GNB4: variants seen among roughly 807,000 people sequenced by gnomAD.
GNB4 encodes G protein subunit beta 4.
GNB4 carries 28 observed loss-of-function variants against 45.2 expected under a neutral mutation model. That is an observed-to-expected ratio of 0.62 (90% CI 0.46 to 0.85). GNB4 has a LOEUF of 0.85. Ranked by LOEUF, GNB4 falls within the 40% of genes least tolerant of loss-of-function variation. The probability of loss-of-function intolerance (pLI) is 0.00; values close to 1 mark genes in which losing one functional copy is unlikely to be tolerated. For synonymous variants in GNB4, 132 were observed against 143.7 expected (o/e 0.92, Z 0.58); for missense variants, 321 against 425.4 (o/e 0.75, Z 2.16).
At chr3:179,402,426 C>T (rs1291069152) in intron 9 of GNB4, among the ~76,000 whole-genome samples, 1 of 152,186 alleles carries the variant, frequency 6.6e-6, no homozygotes. Context: ...CCTTAAGCAA[C>T]GGAATACTTC....
At chr3:179,520,042 G>C in the GNB4 span, among the ~76,000 whole-genome samples, 8 of 152,062 alleles carry the variant, frequency 5.3e-5, no homozygotes, top group African/African-American at 2.4e-5. Flanking sequence ...CCCCGTGGTG[G>C]CACACCCATA....
chr3:179,470,312 G>A, the GNB4 span, among the ~76,000 whole-genome samples: 90 of 152,078 alleles, frequency 5.9e-4, no homozygotes, highest in African/African-American at 2.1e-3. Context: ...CATAGGAAGT[G>A]ACAGCTCCTT....
chr3:179,494,229 CT>C, the GNB4 span, among the ~76,000 whole-genome samples: 4 of 150,316 alleles, frequency 2.7e-5, no homozygotes, highest in African/African-American at 9.8e-5. Flanking sequence ...ACTTCTTCTG[CT>C]GTCTTAGCTG....
the GNB4 span, among the ~76,000 whole-genome samples, chr3:179,526,034 C>T: frequency 6.6e-6 from 1 of 152,164 alleles, no homozygotes; most frequent in African/African-American, 2.4e-5. Flanking sequence ...CACCTGGGTG[C>T]AGGCAGGCTG....
the GNB4 span, among the ~76,000 whole-genome samples, chr3:179,465,547 A>C: frequency 6.6e-6 from 1 of 152,066 alleles, no homozygotes; most frequent in African/African-American, 2.4e-5. Context: ...AGGCAGAGCC[A>C]AGGGCTCTGT....
At chr3:179,457,845 A>G in the GNB4 span, among the ~76,000 whole-genome samples, 1 of 151,820 alleles carries the variant, frequency 6.6e-6, no homozygotes, top group Non-Finnish European at 1.5e-5. Context: ...CGAGGTAGTA[A>G]CATTTGAGCA....
the GNB4 span, among the ~76,000 whole-genome samples, chr3:179,524,950 G>A: frequency 2.0e-5 from 3 of 152,096 alleles, no homozygotes; most frequent in Admixed American, 6.6e-5. Flanking sequence ...GTATGGGAGT[G>A]GAGGCTGAGG....
chr3:179,425,533 T>G (rs1160388837), intron 2 of GNB4, among the ~76,000 whole-genome samples: 1 of 152,150 alleles, frequency 6.6e-6, no homozygotes, highest in Non-Finnish European at 1.5e-5. Context: ...TGCAGTGGCG[T>G]GAGTTCAGCT....
chr3:179,509,168 TACACACACACACACAC>T, the GNB4 span, among the ~76,000 whole-genome samples: 2 of 146,900 alleles, frequency 1.4e-5, no homozygotes, highest in East Asian at 2.0e-4. Flanking sequence ...TATATATACA[TACACACACACACACAC>T]ACACACACAC....
intron 9 of GNB4, 126 bp downstream of exon 9, chr3:179,405,064 T>C: frequency 3.3e-6 from 2 of 614,826 alleles, no homozygotes; most frequent in South Asian, 2.5e-5. Flanking sequence ...ACAAAGAACA[T>C]GATGAGAACC....
At chr3:179,414,808 A>C in intron 6 of GNB4, 77 bp downstream of exon 6, 1 of 1,216,382 alleles carries the variant, frequency 8.2e-7, no homozygotes, top group Non-Finnish European at 1.1e-6. Flanking sequence ...AGCCGAGCAC[A>C]ATCTGTCATT....
At chr3:179,475,010 G>A in the GNB4 span, among the ~76,000 whole-genome samples, 23 of 152,058 alleles carry the variant, frequency 1.5e-4, no homozygotes, top group Non-Finnish European at 2.9e-4. Context: ...TTTGGCAAAG[G>A]CCTTCAAGCT....
rs1295204190 is a variant in GNB4 at position 179,401,021 on chromosome 3, C to G, written c.*192G>C. On this transcript the variant is annotated 3_prime_UTR_variant, in exon 10 of 10. Coordinates refer to ENST00000232564, the MANE Select transcript of GNB4 (RefSeq NM_021629.4). ...AAATTAATACACTGGTCCTTTTGATCTCAGAAGGCGCCTTTGCCTTTTTTC... is the reference window on the plus strand; with the variant it reads ...AAATTAATACACTGGTCCTTTTGATGTCAGAAGGCGCCTTTGCCTTTTTTC... 2.0e-6 allele frequency: 1 copy of G among 494,830 alleles called. No homozygotes were observed. Among genetic ancestry groups the G allele is most frequent in the African/African-American group, 2.0e-5 (1 of 50,944 alleles). The allele number at this position is 494,830 out of a possible 1,614,324, so 30.7% of individuals were successfully genotyped here. A position where few individuals can be genotyped will look rare whatever the true frequency, so the allele number is the denominator to read the frequency against.
In GNB4 at chr3:179,446,040, G is replaced by A. The variant is rs369668720; in HGVS notation, c.-43+5306C>T. Among the ~76,000 whole-genome samples the A allele has an allele frequency of 5.3e-5, 8 of 152,274 alleles. No homozygotes were observed. In the East Asian group the frequency reaches 1.5e-3, roughly 29 times the overall value. ...TTCATGTGATTTCTATTTCAAAAAA[G>A]ATAAAATAACACATCTTTCAGCAAT... is the stretch of plus-strand genomic sequence containing the variant. On this transcript the variant is annotated intron_variant, in intron 1 of 9. Coordinates refer to ENST00000232564, the MANE Select transcript of GNB4 (RefSeq NM_021629.4).
chr3:179,473,320 T>G, the GNB4 span, among the ~76,000 whole-genome samples: 1 of 152,206 alleles, frequency 6.6e-6, no homozygotes, highest in African/African-American at 2.4e-5. Flanking sequence ...TTTGGAATAA[T>G]TATAGATTCA....
chr3:179,416,656 A>G (rs1254333635), intron 4 of GNB4, 100 bp from the exon 5 acceptor site: 1 of 635,900 alleles, frequency 1.6e-6, no homozygotes, highest in Non-Finnish European at 2.6e-6. Flanking sequence ...GAAAAATACA[A>G]TTTTTCCAAC....
the GNB4 span, among the ~76,000 whole-genome samples, chr3:179,527,673 T>C: frequency 6.6e-6 from 1 of 152,098 alleles, no homozygotes; most frequent in Non-Finnish European, 1.5e-5. Flanking sequence ...TTTCAAAAAG[T>C]TAAAACATGA....
chr3:179,487,663 T>C, the GNB4 span, among the ~76,000 whole-genome samples: 2 of 152,206 alleles, frequency 1.3e-5, no homozygotes, highest in African/African-American at 2.4e-5. Context: ...AAATAAACTA[T>C]GTTCTAACTG....
chr3:179,477,041 G>GC, the GNB4 span, among the ~76,000 whole-genome samples: 1 of 152,110 alleles, frequency 6.6e-6, no homozygotes, highest in African/African-American at 2.4e-5. Context: ...AAGACAGTCT[G>GC]CCCTTCTAGA....
Sources: allele counts gnomAD v4.1 joint callset (sites outside exome capture counted in the v4.1 genomes callset), GRCh38; gene constraint gnomAD v4.1.1; transcripts MANE v1.5; gene names NCBI Gene and HGNC (gene_info 2026-07-23, HGNC 2026-07-21).